SLIT3: variants seen among roughly 807,000 people sequenced by gnomAD.
SLIT3 encodes the protein slit homolog 3 protein.
SLIT3 carries 68 observed loss-of-function variants against 184.0 expected under a neutral mutation model. The ratio of observed to expected loss-of-function variants is 0.37; its 90% confidence interval spans 0.30 to 0.45. The LOEUF (loss-of-function observed/expected upper bound fraction) is 0.45, where lower values mean the gene tolerates loss of function less well. Among genes scored for constraint, SLIT3 ranks in the 20% least tolerant of loss-of-function variants. The probability of loss-of-function intolerance (pLI) is 1.00; values close to 1 mark genes in which losing one functional copy is unlikely to be tolerated. For missense variants in SLIT3, 1,707 were observed against 2,026.0 expected (o/e 0.84, Z 3.02); for synonymous variants, 831 against 828.6 (o/e 1.00, Z -0.05).
At chr5:169,114,658 A>AG (rs1381891585) in intron 4 of SLIT3, among the ~76,000 whole-genome samples, 1 of 152,156 alleles carries the variant, frequency 6.6e-6, no homozygotes, top group Non-Finnish European at 1.5e-5. Flanking sequence ...GAGGGCCATG[A>AG]GGAGGGAGGG....
chr5:169,068,240 G>GA (rs1466731738), intron 4 of SLIT3, among the ~76,000 whole-genome samples: 2 of 151,840 alleles, frequency 1.3e-5, no homozygotes, highest in African/African-American at 2.4e-5. Context: ...GGAAGAGAAA[G>GA]AAAAAAATGT....
chr5:169,106,300 T>C (rs2113244670), intron 4 of SLIT3, among the ~76,000 whole-genome samples: 1 of 152,294 alleles, frequency 6.6e-6, no homozygotes. Context: ...TCCCTCTGGC[T>C]GCAGTTTGGA....
chr5:168,939,605 A>C lies in SLIT3; in HGVS notation c.414-56269T>G, dbSNP rs1032888214. On this transcript the variant is annotated intron_variant, in intron 4 of 35. Coordinates refer to ENST00000519560, the MANE Select transcript of SLIT3 (RefSeq NM_003062.4). ...TCCTATAAAATAAGCTTCCTTAAGCACCTCGATGGGTCACAAGTTCACTTT... is the reference window on the plus strand; with the variant it reads ...TCCTATAAAATAAGCTTCCTTAAGCCCCTCGATGGGTCACAAGTTCACTTT... Among the ~76,000 whole-genome samples the C allele has an allele frequency of 6.6e-4, 100 of 152,266 alleles. 1 individual carries two copies. The highest frequency in any genetic ancestry group is 6.5e-3 in the Admixed American group (99 of 15,292).
chr5:168,956,076 GT>G (rs2113262501), intron 4 of SLIT3, among the ~76,000 whole-genome samples: 1 of 152,280 alleles, frequency 6.6e-6, no homozygotes. Context: ...CTCATTTTGA[GT>G]TTTAAAGGGG....
At chr5:168,743,553 C>T (rs1581028113) in intron 20 of SLIT3, among the ~76,000 whole-genome samples, 1 of 152,154 alleles carries the variant, frequency 6.6e-6, no homozygotes, top group African/African-American at 2.4e-5. Context: ...CCTCGGACCT[C>T]CCTATTTCCG....
At chr5:168,864,309 G>A (rs1347622357) in intron 5 of SLIT3, among the ~76,000 whole-genome samples, 7 of 152,184 alleles carry the variant, frequency 4.6e-5, no homozygotes, top group Non-Finnish European at 8.8e-5. Context: ...CTCTGGATAT[G>A]TTTCATATTA....
At chr5:168,772,037 G>A (rs1755568903) in intron 14 of SLIT3, 1 of 152,172 alleles carries the variant, frequency 6.6e-6, no homozygotes, top group Admixed American at 6.5e-5. Context: ...TTAACTGCCT[G>A]TTCATGTAGC....
chr5:168,749,848 G>A (rs188780685), intron 18 of SLIT3, among the ~76,000 whole-genome samples: 4 of 152,062 alleles, frequency 2.6e-5, no homozygotes, highest in Non-Finnish European at 5.9e-5. Flanking sequence ...CCCTCCCTTG[G>A]GTACCAAGCC....
At chr5:168,868,942 T>G (rs138171267) in intron 5 of SLIT3, among the ~76,000 whole-genome samples, 310 of 152,200 alleles carry the variant, frequency 2.0e-3, no homozygotes, top group African/African-American at 6.9e-3. Context: ...GGGATCTTTC[T>G]GGGGTAAGAG....
chr5:168,798,883 A>C (rs1756669511), intron 9 of SLIT3, among the ~76,000 whole-genome samples: 1 of 152,190 alleles, frequency 6.6e-6, no homozygotes, highest in South Asian at 2.1e-4. Flanking sequence ...CACATTAAAC[A>C]TGAGAAAATT....
intron 4 of SLIT3, among the ~76,000 whole-genome samples, chr5:169,046,759 G>A (rs916458462): frequency 5.3e-5 from 8 of 152,126 alleles, no homozygotes; most frequent in Non-Finnish European, 1.2e-4. Context: ...AGAGTATTAT[G>A]AGCCCCATGT....
At chr5:169,105,323 A>C (rs1033710832) in intron 4 of SLIT3, among the ~76,000 whole-genome samples, 7 of 152,236 alleles carry the variant, frequency 4.6e-5, no homozygotes, top group African/African-American at 1.7e-4. Context: ...TCTAATGCAC[A>C]TATATGTACA....
At chr5:169,089,944 A>G (rs773811198) in intron 4 of SLIT3, among the ~76,000 whole-genome samples, 5 of 152,214 alleles carry the variant, frequency 3.3e-5, no homozygotes, top group African/African-American at 1.2e-4. Flanking sequence ...TGGACTTGGT[A>G]TCATTCAGAG....
chr5:169,220,056 C>G (rs1244715080), intron 3 of SLIT3, among the ~76,000 whole-genome samples: 1 of 152,068 alleles, frequency 6.6e-6, no homozygotes, highest in African/African-American at 2.4e-5. Flanking sequence ...CCTGTCCCAG[C>G]CCCCAGTTCT....
At chr5:169,084,289 CTT>C (rs537953841) in intron 4 of SLIT3, among the ~76,000 whole-genome samples, 31 of 140,230 alleles carry the variant, frequency 2.2e-4, no homozygotes, top group Middle Eastern at 3.7e-3. Flanking sequence ...TTTTTCTTTT[CTT>C]TTTTTTTTTT....
At chr5:168,995,054 C>A (rs1172795549) in intron 4 of SLIT3, among the ~76,000 whole-genome samples, 1 of 152,170 alleles carries the variant, frequency 6.6e-6, no homozygotes, top group Non-Finnish European at 1.5e-5. Flanking sequence ...ACAGTGAAAT[C>A]TGGTGTCTTG....
At chr5:168,799,699 G>C (rs1308468818) in intron 9 of SLIT3, among the ~76,000 whole-genome samples, 2 of 152,204 alleles carry the variant, frequency 1.3e-5, no homozygotes, top group Admixed American at 6.5e-5. Context: ...GGTGGTGGTG[G>C]TGGTGGTGAT....
chr5:168,868,870 G>A (rs1259132151), intron 5 of SLIT3, among the ~76,000 whole-genome samples: 2 of 152,060 alleles, frequency 1.3e-5, no homozygotes, highest in East Asian at 1.9e-4. Context: ...GAGAAGCAGT[G>A]TGCCCAAGAT....
intron 23 of SLIT3, among the ~76,000 whole-genome samples, chr5:168,715,128 G>T (rs1470038580): frequency 6.6e-6 from 1 of 152,208 alleles, no homozygotes; most frequent in Non-Finnish European, 1.5e-5. Context: ...CAAGGCTCTG[G>T]AGTCAGACTG....
Sources: gnomAD v4.1 joint callset for allele counts (sites outside exome capture counted in the v4.1 genomes callset) on GRCh38, gnomAD v4.1.1 for gene constraint, MANE v1.5 for transcripts, NCBI Gene and HGNC (gene_info 2026-07-23, HGNC 2026-07-21) for gene names.